Variants in HPSE2 observed in about 807,000 individuals in gnomAD.
HPSE2 encodes the protein inactive heparanase-2.
In HPSE2, 38 loss-of-function variants were observed where a neutral mutation model predicts 60.5. That is an observed-to-expected ratio of 0.63 (90% CI 0.48 to 0.82). The LOEUF (loss-of-function observed/expected upper bound fraction) is 0.82. Among genes scored for constraint, HPSE2 ranks in the 40% least tolerant of loss-of-function variants. The pLI, the probability that HPSE2 is intolerant of heterozygous loss-of-function variation, is 0.00. For synonymous variants in HPSE2, 295 were observed against 293.2 expected (o/e 1.01, Z -0.06); for missense variants, 713 against 740.4 (o/e 0.96, Z 0.43).
intron 3 of HPSE2, among the ~76,000 whole-genome samples, chr10:99,140,820 C>A (rs1484437874): frequency 6.6e-6 from 1 of 152,150 alleles, no homozygotes; most frequent in Admixed American, 6.5e-5. Flanking sequence ...GGGCGGATCA[C>A]AAGGTCAGGA....
chr10:99,302,882 G>C, the HPSE2 span, among the ~76,000 whole-genome samples: 1 of 150,704 alleles, frequency 6.6e-6, no homozygotes, highest in Non-Finnish European at 1.5e-5. Context: ...GGGAGGACTG[G>C]CAACTAGATT....
the HPSE2 span, among the ~76,000 whole-genome samples, chr10:99,265,491 T>C: frequency 6.6e-6 from 1 of 152,200 alleles, no homozygotes; most frequent in Non-Finnish European, 1.5e-5. Flanking sequence ...CTGGGCTTAA[T>C]ACCTAGGTGA....
chr10:98,852,880 T>C (rs1952215772), intron 3 of HPSE2, among the ~76,000 whole-genome samples: 1 of 152,246 alleles, frequency 6.6e-6, no homozygotes, highest in Non-Finnish European at 1.5e-5. Flanking sequence ...TATATACACC[T>C]GCCACTAGGG....
chr10:99,028,611 C>A (rs1455910053), intron 3 of HPSE2, among the ~76,000 whole-genome samples: 1 of 152,112 alleles, frequency 6.6e-6, no homozygotes, highest in Non-Finnish European at 1.5e-5. Flanking sequence ...CAATGACATT[C>A]TTCACAGAAA....
chr10:98,760,456 T>C (rs901814047), intron 3 of HPSE2, among the ~76,000 whole-genome samples: 1 of 152,104 alleles, frequency 6.6e-6, no homozygotes, highest in African/African-American at 2.4e-5. Context: ...ATGACCTTTA[T>C]TATGTTGAGA....
At chr10:98,619,008 G>T (rs1946000009) in intron 8 of HPSE2, among the ~76,000 whole-genome samples, 1 of 152,162 alleles carries the variant, frequency 6.6e-6, no homozygotes, top group African/African-American at 2.4e-5. Context: ...ACACAGAAAT[G>T]GAAGACCCAA....
In HPSE2 at chr10:98,490,208, A is replaced by G. The variant is rs199911946; in HGVS notation, c.1321-12T>C. On this transcript the variant is annotated splice_polypyrimidine_tract_variant and intron_variant, in intron 9 of 11. Coordinates refer to ENST00000370552, the MANE Select transcript of HPSE2 (RefSeq NM_021828.5). ...GAGAGCCAGTAGTCCTGAGGAGAAT[A>G]GAGAGGGAGAGGGTCAGCGAGAGAA... 5.0e-6 allele frequency: 8 copies of G among 1,613,892 alleles called. No homozygotes were observed. Among genetic ancestry groups the G allele is most frequent in the Non-Finnish European group, 5.1e-6 (6 of 1,179,958 alleles).
intron 9 of HPSE2, among the ~76,000 whole-genome samples, chr10:98,583,197 A>G (rs906244675): frequency 6.6e-6 from 1 of 152,142 alleles, no homozygotes; most frequent in African/African-American, 2.4e-5. Context: ...GATCTTCTAC[A>G]CCCAAGTAAA....
the HPSE2 span, among the ~76,000 whole-genome samples, chr10:99,297,771 T>G: frequency 2.6e-5 from 4 of 152,204 alleles, no homozygotes; most frequent in Non-Finnish European, 5.9e-5. Flanking sequence ...TTTTCAACAC[T>G]TGGCGAGGGG....
chr10:98,939,421 G>A lies in HPSE2; in HGVS notation c.611-195365C>T, dbSNP rs1954918466. On this transcript the variant is annotated intron_variant, in intron 3 of 11. Coordinates refer to ENST00000370552, the MANE Select transcript of HPSE2 (RefSeq NM_021828.5). Reference sequence around the variant, plus strand: ...AGCAAATGGAAAACAAAAAAAGGCAGGGGTTGCAATCCTAGTCTCTCATAA... The same window carrying A: ...AGCAAATGGAAAACAAAAAAAGGCAAGGGTTGCAATCCTAGTCTCTCATAA... Among the ~76,000 whole-genome samples, 4 of 143,170 alleles carry A rather than the reference G, an allele frequency of 2.8e-5. 1 individual carries two copies. The highest frequency in any genetic ancestry group is 8.6e-5 in the African/African-American group (3 of 34,874). 93.9% of individuals were successfully genotyped at this position (143,170 alleles called of 152,430 possible).
At chr10:98,952,050 T>A (rs1955370791) in intron 3 of HPSE2, among the ~76,000 whole-genome samples, 1 of 152,184 alleles carries the variant, frequency 6.6e-6, no homozygotes, top group Non-Finnish European at 1.5e-5. Flanking sequence ...CTATACCAAA[T>A]GATGGCAGAT....
chr10:98,799,322 G>A (rs937061102), intron 3 of HPSE2, among the ~76,000 whole-genome samples: 1 of 152,052 alleles, frequency 6.6e-6, no homozygotes, highest in Non-Finnish European at 1.5e-5. Flanking sequence ...GAGAGATAGG[G>A]CCCAATACAT....
At chr10:99,183,720 A>G (rs1847866458) in intron 2 of HPSE2, among the ~76,000 whole-genome samples, 1 of 152,220 alleles carries the variant, frequency 6.6e-6, no homozygotes, top group African/African-American at 2.4e-5. Flanking sequence ...CTGTGCGGCA[A>G]GCAGCAGGAC....
chr10:98,703,818 A>G (rs1948475054), intron 5 of HPSE2, among the ~76,000 whole-genome samples: 1 of 152,178 alleles, frequency 6.6e-6, no homozygotes, highest in Admixed American at 6.5e-5. Flanking sequence ...TATCATACTG[A>G]ATGGGCAAAA....
intron 2 of HPSE2, among the ~76,000 whole-genome samples, chr10:99,217,641 T>G (rs10883297): frequency 0.5 from 75,181 of 151,660 alleles, 21,694 homozygotes; most frequent in Non-Finnish European, 0.64. Context: ...TCATCCAGGC[T>G]GGAGTGCAGT....
At chr10:98,915,969 A>T (rs1954110362) in intron 3 of HPSE2, among the ~76,000 whole-genome samples, 1 of 152,156 alleles carries the variant, frequency 6.6e-6, no homozygotes, top group South Asian at 2.1e-4. Flanking sequence ...TTTTTTCCAC[A>T]TAGGATTCAC....
intron 3 of HPSE2, among the ~76,000 whole-genome samples, chr10:98,832,559 G>A (rs9325491): frequency 0.038 from 5,755 of 152,204 alleles, 235 homozygotes; most frequent in East Asian, 0.17. Context: ...GTTCAGTTTG[G>A]AGGATTCTAA....
At chr10:98,765,960 T>C (rs1012749899) in intron 3 of HPSE2, among the ~76,000 whole-genome samples, 2 of 151,564 alleles carry the variant, frequency 1.3e-5, no homozygotes, top group Non-Finnish European at 2.9e-5. Flanking sequence ...AGAGTAGAAA[T>C]AAAATTGAAA....
intron 8 of HPSE2, among the ~76,000 whole-genome samples, chr10:98,617,203 A>G (rs1408754177): frequency 6.6e-6 from 1 of 152,194 alleles, no homozygotes; most frequent in African/African-American, 2.4e-5. Context: ...TTTATATGTG[A>G]AAAGATCCTA....
Sources: allele counts gnomAD v4.1 joint callset (sites outside exome capture counted in the v4.1 genomes callset), GRCh38; gene constraint gnomAD v4.1.1; transcripts MANE v1.5; gene names NCBI Gene and HGNC (gene_info 2026-07-23, HGNC 2026-07-21).